Variants in CAAP1 observed in about 807,000 individuals in gnomAD.
CAAP1 encodes the protein caspase activity and apoptosis inhibitor 1, also known as conserved anti-apoptotic protein.
CAAP1 carries 20 observed loss-of-function variants against 34.0 expected under a neutral mutation model. The observed-to-expected ratio is 0.59, with a 90% CI of 0.41 to 0.86. CAAP1 has a LOEUF of 0.86. Ranked by LOEUF, CAAP1 falls within the 40% of genes least tolerant of loss-of-function variation. The pLI, the probability that CAAP1 is intolerant of heterozygous loss-of-function variation, is 0.00. For synonymous variants in CAAP1, 213 were observed against 166.7 expected (o/e 1.28, Z -2.14); for missense variants, 538 against 450.5 (o/e 1.19, Z -1.76).
Position 26,886,118 on chromosome 9 carries a change from A to G in CAAP1, c.575T>C (p.Leu192Ser). Residue 192 changes from leucine to serine, a missense_variant, in exon 3 of 6, where the codon TTG (leucine) becomes TCG (serine). Physicochemically the swap from Leu to Ser is moderately radical, Grantham distance 145. Coordinates refer to ENST00000333916, the MANE Select transcript of CAAP1 (RefSeq NM_024828.4). ...TGTATTCTTACCCTCAAGAATCTTC[A>G]AAATTTTTTTTTCAGACAGGAGCTC... ...QLELLSEKKI[L>S]KILEGDNGMD... The G allele has an allele frequency of 6.5e-7, 1 of 1,549,618 alleles. No individual in the cohort carries two copies. The highest frequency in any genetic ancestry group is 8.7e-7 in the Non-Finnish European group (1 of 1,151,236).
At chr9:26,856,668 CTG>C (rs2131305064) in intron 5 of CAAP1, among the ~76,000 whole-genome samples, 1 of 152,296 alleles carries the variant, frequency 6.6e-6, no homozygotes, top group African/African-American at 2.4e-5. Flanking sequence ...AGGCAGTCCA[CTG>C]TGTTAGACCA....
At chr9:26,876,703 T>C (rs1045724965) in intron 4 of CAAP1, among the ~76,000 whole-genome samples, 1 of 152,164 alleles carries the variant, frequency 6.6e-6, no homozygotes, top group Non-Finnish European at 1.5e-5. Context: ...TCATATGGCC[T>C]AGGTATGTAG....
At chr9:26,865,671 G>C (rs550621548) in intron 4 of CAAP1, among the ~76,000 whole-genome samples, 2 of 152,168 alleles carry the variant, frequency 1.3e-5, no homozygotes, top group East Asian at 3.9e-4. Flanking sequence ...AACAAATTTT[G>C]TAACATTTTT....
intron 5 of CAAP1, among the ~76,000 whole-genome samples, chr9:26,853,688 A>C (rs1322516859): frequency 6.6e-6 from 1 of 152,182 alleles, no homozygotes; most frequent in Non-Finnish European, 1.5e-5. Context: ...GGGGAACATT[A>C]ATTAGGTGGA....
intron 5 of CAAP1, among the ~76,000 whole-genome samples, chr9:26,859,050 T>C (rs1199029382): frequency 6.6e-6 from 1 of 152,000 alleles, no homozygotes; most frequent in African/African-American, 2.4e-5. Flanking sequence ...TGCTAATCAT[T>C]TAGTCACAAC....
chr9:26,886,546 T>G (rs113526478), intron 2 of CAAP1, among the ~76,000 whole-genome samples: 6,457 of 152,288 alleles, frequency 0.042, 476 homozygotes, highest in African/African-American at 0.15. Context: ...GGCTTAACTT[T>G]AGTGACCAAG....
At chr9:26,890,808 C>G (rs1441035436) in intron 1 of CAAP1, among the ~76,000 whole-genome samples, 2 of 151,722 alleles carry the variant, frequency 1.3e-5, no homozygotes, top group African/African-American at 4.8e-5. Flanking sequence ...AGCTGGGCGT[C>G]GTGGCGGGCG....
At chr9:26,845,801 T>C (rs573940780) in intron 5 of CAAP1, among the ~76,000 whole-genome samples, 1 of 152,364 alleles carries the variant, frequency 6.6e-6, no homozygotes, top group South Asian at 2.1e-4. Context: ...CTTCTTCCCT[T>C]TTCTCCAAAA....
In CAAP1 at chr9:26,846,369, T is replaced by C. The variant is rs547395102; in HGVS notation, c.740-3722A>G. ...AGGCAGAGGGTGCAGTGAGCCGAGA[T>C]TGCGCCACTGCACTGCAGCCTGGGT... On this transcript the variant is annotated intron_variant, in intron 5 of 5. Coordinates refer to ENST00000333916, the MANE Select transcript of CAAP1 (RefSeq NM_024828.4). Among the ~76,000 whole-genome samples, 5 of 138,696 alleles carry C rather than the reference T, an allele frequency of 3.6e-5. No individual in the cohort carries two copies. The South Asian group carries it at 9.1e-4, about 25-fold the overall frequency. The allele number at this position is 138,696 out of a possible 152,430, so 91.0% of individuals were successfully genotyped here.
intron 5 of CAAP1, among the ~76,000 whole-genome samples, chr9:26,844,926 G>A (rs183123338): frequency 9.0e-4 from 137 of 152,204 alleles, no homozygotes; most frequent in African/African-American, 3.2e-3. Flanking sequence ...TCAGGGTGAC[G>A]GCCTTCTTCA....
rs532890865 is a variant in CAAP1, at chr9:26,875,525, C to T, written c.665+9285G>A. Among the ~76,000 whole-genome samples, 3 of 152,298 alleles carry T rather than the reference C, an allele frequency of 2.0e-5. No homozygotes were observed. In the East Asian group the frequency reaches 5.8e-4, roughly 29 times the overall value. On this transcript the variant is annotated intron_variant, in intron 4 of 5. Transcript: ENST00000333916. Reference sequence around the variant, plus strand: ...ATAACACAGATTGCTTTAATCTAGACATATTTGAAATTATTTTTCTTCTTT... The same window carrying T: ...ATAACACAGATTGCTTTAATCTAGATATATTTGAAATTATTTTTCTTCTTT...
chr9:26,885,074 C>CT (rs397893644), intron 3 of CAAP1, among the ~76,000 whole-genome samples, 189 bp from the exon 4 acceptor site: 1,541 of 116,870 alleles, frequency 0.013, 21 homozygotes, highest in African/African-American at 0.023. Flanking sequence ...TTTCTCATTG[C>CT]TTTTTTTTTT....
intron 5 of CAAP1, among the ~76,000 whole-genome samples, chr9:26,856,908 A>G (rs1446065521): frequency 6.6e-6 from 1 of 152,212 alleles, no homozygotes. Context: ...TAAGAACTTA[A>G]TTTTTGAATT....
chr9:26,876,670 G>C (rs369371219), intron 4 of CAAP1, among the ~76,000 whole-genome samples: 2 of 151,996 alleles, frequency 1.3e-5, no homozygotes, highest in African/African-American at 2.4e-5. Flanking sequence ...TACAGGTTTG[G>C]AGCCTAGGAA....
intron 5 of CAAP1, among the ~76,000 whole-genome samples, chr9:26,855,963 A>G (rs182346683): frequency 6.2e-4 from 95 of 152,340 alleles, no homozygotes; most frequent in Admixed American, 1.5e-3. Flanking sequence ...TTAAGGACAC[A>G]TAAAAATAAA....
chr9:26,872,923 A>C (rs1306021602), intron 4 of CAAP1, among the ~76,000 whole-genome samples: 1 of 152,146 alleles, frequency 6.6e-6, no homozygotes, highest in East Asian at 1.9e-4. Flanking sequence ...TCCTCTACTA[A>C]GAAGCAGTAG....
chr9:26,875,788 G>C (rs62544407), intron 4 of CAAP1, among the ~76,000 whole-genome samples: 15,935 of 152,086 alleles, frequency 0.1, 1,122 homozygotes, highest in Middle Eastern at 0.25. Flanking sequence ...TGCTTGATCT[G>C]ATTTTTTTTC....
At chr9:26,852,388 G>A (rs1467017277) in intron 5 of CAAP1, among the ~76,000 whole-genome samples, 1 of 151,928 alleles carries the variant, frequency 6.6e-6, no homozygotes, top group Non-Finnish European at 1.5e-5. Flanking sequence ...CCGGGAGGCG[G>A]AGGCTGCAGT....
At chr9:26,887,234 G>A (rs963805379) in intron 2 of CAAP1, 79 bp downstream of exon 2, 4 of 885,284 alleles carry the variant, frequency 4.5e-6, no homozygotes, top group Non-Finnish European at 5.0e-6. Context: ...AAACAAAACC[G>A]CATTAAGTAA....
Sources: gnomAD v4.1 joint callset for allele counts (sites outside exome capture counted in the v4.1 genomes callset) on GRCh38, gnomAD v4.1.1 for gene constraint, MANE v1.5 for transcripts, NCBI Gene and HGNC (gene_info 2026-07-23, HGNC 2026-07-21) for gene names.